Variants in DNAH9 observed in about 807,000 individuals in gnomAD.
The protein encoded by DNAH9 is DNAH9 variant protein.
Under a neutral mutation model 471.6 loss-of-function variants are expected in DNAH9, and 345 were observed. The observed-to-expected ratio is 0.73, with a 90% CI of 0.67 to 0.80. The LOEUF is 0.80. Ranked by LOEUF, DNAH9 falls within the 30% of genes least tolerant of loss-of-function variation. The pLI is 0.00. For synonymous variants in DNAH9, 2,093 were observed against 2,123.6 expected (o/e 0.99, Z 0.40); for missense variants, 5,407 against 5,609.2 (o/e 0.96, Z 1.15).
chr17:11,697,181 T>A (rs1429481297), intron 22 of DNAH9, among the ~76,000 whole-genome samples: 4 of 152,214 alleles, frequency 2.6e-5, no homozygotes. Context: ...TTATTTTGAT[T>A]CATTTCTTAT....
chr17:11,963,442 A>C (rs1976411455), intron 68 of DNAH9, among the ~76,000 whole-genome samples: 1 of 152,126 alleles, frequency 6.6e-6, no homozygotes. Context: ...CTCAAAAAAA[A>C]AAAAAGAAGA....
At chr17:11,852,731 G>C (rs1735313504) in intron 49 of DNAH9, among the ~76,000 whole-genome samples, 1 of 150,382 alleles carries the variant, frequency 6.6e-6, no homozygotes, top group Admixed American at 6.7e-5. Context: ...TGAAGAGTGA[G>C]GCAGAGAGAA....
At chr17:11,849,237 A>G (rs987783032) in intron 49 of DNAH9, among the ~76,000 whole-genome samples, 1 of 152,096 alleles carries the variant, frequency 6.6e-6, no homozygotes, top group Non-Finnish European at 1.5e-5. Context: ...AGCCTGGACC[A>G]AGCCACCTTC....
intron 14 of DNAH9, among the ~76,000 whole-genome samples, chr17:11,662,747 CTTTTTTTTT>C (rs71142226): frequency 6.6e-5 from 3 of 45,436 alleles, no homozygotes; most frequent in East Asian, 9.0e-4. Flanking sequence ...TTGAGGCTCG[CTTTTTTTTT>C]TTTTTTTTTT....
intron 1 of DNAH9, 75 bp from the exon 2 acceptor site, chr17:11,608,054 T>A: frequency 8.2e-7 from 1 of 1,217,670 alleles, no homozygotes; most frequent in Non-Finnish European, 1.2e-6. Flanking sequence ...TTTATAAGCC[T>A]TTTCCAGATG....
chr17:11,901,726 A>G (rs1005446523), intron 59 of DNAH9, among the ~76,000 whole-genome samples: 1 of 152,150 alleles, frequency 6.6e-6, no homozygotes, highest in Non-Finnish European at 1.5e-5. Flanking sequence ...ACACGCTAAC[A>G]CTAATGATAG....
At chr17:11,737,103 G>A (rs901865431) in intron 28 of DNAH9, among the ~76,000 whole-genome samples, 32 of 152,210 alleles carry the variant, frequency 2.1e-4, no homozygotes, top group Non-Finnish European at 1.9e-4. Flanking sequence ...TTTGGCCAGC[G>A]TCCTGGCTGC....
In DNAH9 at chr17:11,635,860, C is replaced by T. The variant is rs183306734; in HGVS notation, c.1636-774C>T. On this transcript the variant is annotated intron_variant, in intron 8 of 68. Coordinates refer to ENST00000262442, the MANE Select transcript of DNAH9 (RefSeq NM_001372.4). ...CACTGCCATTCTCACGGCACCTGCT[C>T]TCAGAAACTATTTCCTTGTTCCCAT... Among the ~76,000 whole-genome samples the T allele has an allele frequency of 8.7e-3, 1,323 of 152,310 alleles. 17 individuals carry two copies. The highest frequency in any genetic ancestry group is 9.8e-3 in the Non-Finnish European group (669 of 68,022).
intron 48 of DNAH9, among the ~76,000 whole-genome samples, chr17:11,829,159 C>G (rs561655528): frequency 7.2e-5 from 11 of 152,254 alleles, no homozygotes; most frequent in African/African-American, 2.4e-4. Context: ...TGGTTCCTAA[C>G]TCTGTAACAA....
In DNAH9 at chr17:11,797,134, C is replaced by T. The variant is rs533384408; in HGVS notation, c.8224-463C>T. 2.6e-5 allele frequency among the ~76,000 whole-genome samples: 4 copies of T among 152,290 alleles called. No homozygotes were observed. In the South Asian group the frequency reaches 8.3e-4, roughly 32 times the overall value. On this transcript the variant is annotated intron_variant, in intron 42 of 68. Coordinates refer to ENST00000262442, the MANE Select transcript of DNAH9 (RefSeq NM_001372.4). ...GAACCTATGAATTCAGGGCTGGCAA[C>T]ATACTTGTGTAATCTCACAGGAAAA... is the stretch of plus-strand genomic sequence containing the variant.
chr17:11,838,648 G>A (rs946087830), intron 49 of DNAH9, among the ~76,000 whole-genome samples: 2 of 152,120 alleles, frequency 1.3e-5, no homozygotes, highest in Non-Finnish European at 2.9e-5. Context: ...TGTGGCAGGG[G>A]AGGCTCTAAA....
rs2150777217 is a variant in DNAH9 at position 11,704,388 on chromosome 17, A to G, written c.5337A>G (p.Ile1779Met). The G allele has an allele frequency of 6.2e-7, 1 of 1,614,052 alleles. No homozygotes were observed. The highest frequency in any genetic ancestry group is 1.1e-5 in the South Asian group (1 of 91,064). ...SKGDRQKIMT[I>M]CTIDVHARDV... ...GAGACCGGCAGAAGATTATGACTAT[A>G]TGCACCATCGATGTGCATGCCCGGG... The change falls in exon 25 of 69, where the codon ATA (isoleucine) becomes ATG (methionine). Residue 1779 changes from isoleucine to methionine, a missense_variant. Physicochemically the swap from Ile to Met is conservative, Grantham distance 10. Around this residue, in one of 3 missense-constraint regions of DNAH9, gnomAD observed 4,636 missense variants for 4,900.3 expected, o/e 0.95. Transcript: ENST00000262442.
intron 43 of DNAH9, among the ~76,000 whole-genome samples, chr17:11,803,972 C>A (rs185473500): frequency 3.3e-5 from 5 of 152,338 alleles, no homozygotes; most frequent in African/African-American, 1.2e-4. Flanking sequence ...ACCCCTTGCA[C>A]CCAGCGTAAT....
At chr17:11,860,858 G>T (rs1232038013) in intron 50 of DNAH9, among the ~76,000 whole-genome samples, 2 of 152,104 alleles carry the variant, frequency 1.3e-5, no homozygotes, top group South Asian at 2.1e-4. Context: ...ACTGCGCCCT[G>T]CCAGAACACT....
intron 62 of DNAH9, among the ~76,000 whole-genome samples, chr17:11,924,616 CTTTTT>C (rs756191140): frequency 1.1e-5 from 1 of 91,956 alleles, no homozygotes; most frequent in South Asian, 4.6e-4. Flanking sequence ...ACTACTAACT[CTTTTT>C]TTTTTTTTTT....
At chr17:11,694,056 T>C (rs1347564357) in intron 21 of DNAH9, 58 bp downstream of exon 21, 17 of 1,592,908 alleles carry the variant, frequency 1.1e-5, no homozygotes, top group Non-Finnish European at 1.5e-5. Flanking sequence ...CTTTTCCCCA[T>C]CGTCTCTGAG....
chr17:11,931,965 G>T (rs775812632), intron 63 of DNAH9, 49 bp from the exon 64 acceptor site: 1 of 1,597,962 alleles, frequency 6.3e-7, no homozygotes, highest in South Asian at 1.1e-5. Context: ...AGCCAGCCCC[G>T]TATAAGAGAA....
At chr17:11,637,854 A>G (rs1420852946) in intron 9 of DNAH9, among the ~76,000 whole-genome samples, 2 of 152,034 alleles carry the variant, frequency 1.3e-5, no homozygotes, top group Non-Finnish European at 2.9e-5. Context: ...GCTTAACAAG[A>G]CAAGATGCAT....
intron 50 of DNAH9, among the ~76,000 whole-genome samples, chr17:11,855,352 A>G (rs550222478): frequency 6.6e-6 from 1 of 152,356 alleles, no homozygotes; most frequent in South Asian, 2.1e-4. Context: ...TATGAGTTAC[A>G]ACAATTTAAT....
Sources: allele counts gnomAD v4.1 joint callset (sites outside exome capture counted in the v4.1 genomes callset), GRCh38; gene constraint gnomAD v4.1.1; regional missense constraint gnomAD v4.1.1; transcripts MANE v1.5; gene names NCBI Gene and HGNC (gene_info 2026-07-23, HGNC 2026-07-21).